FOCAD: variants seen among roughly 807,000 people sequenced by gnomAD.
FOCAD encodes focadhesin.
FOCAD carries 198 observed loss-of-function variants against 225.6 expected under a neutral mutation model. The observed-to-expected ratio is 0.88, with a 90% CI of 0.78 to 0.99. The LOEUF (loss-of-function observed/expected upper bound fraction) is 0.99, where lower values mean the gene tolerates loss of function less well. Among genes scored for constraint, FOCAD ranks in the 50% least tolerant of loss-of-function variants. The pLI is 0.00. For synonymous variants in FOCAD, 897 were observed against 755.0 expected, an observed-to-expected ratio of 1.19 and a Z score of -3.08; for missense variants, 2,713 against 2,123.6, an observed-to-expected ratio of 1.28 and a Z score of -5.46.
intron 31 of FOCAD, 51 bp from the exon 32 acceptor site, chr9:20,948,800 T>C (rs766953780): frequency 1.3e-6 from 2 of 1,593,218 alleles, no homozygotes; most frequent in Non-Finnish European, 1.7e-6. Flanking sequence ...TTATAGAATC[T>C]AAACCCAAGG....
At chr9:20,660,925 G>C (rs1821698373) in intron 2 of FOCAD, among the ~76,000 whole-genome samples, 1 of 152,098 alleles carries the variant, frequency 6.6e-6, no homozygotes, top group African/African-American at 2.4e-5. Flanking sequence ...AAAAATTATG[G>C]GGACATTCCA....
intron 6 of FOCAD, among the ~76,000 whole-genome samples, chr9:20,760,903 A>G (rs1353496717): frequency 6.6e-6 from 1 of 152,172 alleles, no homozygotes; most frequent in Non-Finnish European, 1.5e-5. Flanking sequence ...GTATATGAGT[A>G]GCGATTCACA....
chr9:20,761,971 G>A (rs903956447), intron 6 of FOCAD, among the ~76,000 whole-genome samples: 5 of 152,092 alleles, frequency 3.3e-5, no homozygotes, highest in African/African-American at 4.8e-5. Flanking sequence ...TCTAAAATCA[G>A]AACAGATTAA....
At chr9:20,859,891 G>T (rs1828602492) in intron 15 of FOCAD, among the ~76,000 whole-genome samples, 1 of 151,844 alleles carries the variant, frequency 6.6e-6, no homozygotes, top group Non-Finnish European at 1.5e-5. Context: ...ATTTGTGGTT[G>T]CCTAGATTTG....
At chr9:20,906,524 A>G (rs895680623) in intron 21 of FOCAD, among the ~76,000 whole-genome samples, 2 of 152,058 alleles carry the variant, frequency 1.3e-5, no homozygotes, top group African/African-American at 2.4e-5. Flanking sequence ...GACTATGAGA[A>G]CCAGATGTTT....
intron 7 of FOCAD, among the ~76,000 whole-genome samples, chr9:20,767,161 T>G (rs1224310128): frequency 6.6e-6 from 1 of 150,378 alleles, no homozygotes; most frequent in African/African-American, 2.4e-5. Context: ...AACTCATCAT[T>G]TTTTATGGCT....
intron 43 of FOCAD, 28 bp downstream of exon 43, chr9:20,993,356 A>G: frequency 1.3e-6 from 2 of 1,566,902 alleles, no homozygotes; most frequent in Non-Finnish European, 1.8e-6. Context: ...TATGCTCAAC[A>G]TAGGGGAAAA....
intron 7 of FOCAD, among the ~76,000 whole-genome samples, 200 bp from the exon 8 acceptor site, chr9:20,769,832 A>ATT (rs1818008221): frequency 2.0e-5 from 3 of 152,332 alleles, no homozygotes; most frequent in African/African-American, 7.2e-5. Context: ...ACAGTAGCAA[A>ATT]TTGGATTTTG....
In FOCAD at chr9:20,963,293, C is replaced by T. The variant is rs78306012; in HGVS notation, c.4132+10228C>T. Among the ~76,000 whole-genome samples, 739 of 152,190 alleles carry T rather than the reference C, an allele frequency of 4.9e-3. 5 individuals carry two copies. The highest frequency in any genetic ancestry group is 7.1e-3 in the Non-Finnish European group (481 of 68,004). ...TGCATGTATATTAGGTCAATTCTAG[C>T]GAATATAGAAGCAACATGTAAAGTG... is the stretch of plus-strand genomic sequence containing the variant. On this transcript the variant is annotated intron_variant, in intron 35 of 43. Transcript: ENST00000338382.
chr9:20,935,336 A>G (rs1835848792), intron 28 of FOCAD, among the ~76,000 whole-genome samples: 6 of 152,212 alleles, frequency 3.9e-5, no homozygotes. Flanking sequence ...ACTTACGTTT[A>G]TCATACAAGG....
chr9:20,977,615 A>G (rs1020791694), intron 36 of FOCAD, among the ~76,000 whole-genome samples: 3 of 152,206 alleles, frequency 2.0e-5, no homozygotes, highest in Non-Finnish European at 4.4e-5. Flanking sequence ...GTGCTCTATC[A>G]TTTATAGTAG....
chr9:20,857,730 T>C (rs1478132733), intron 15 of FOCAD, among the ~76,000 whole-genome samples: 4 of 151,106 alleles, frequency 2.6e-5, no homozygotes. Context: ...CTGTCTTATA[T>C]GGCTTTTATT....
chr9:20,890,982 T>C (rs930174767), intron 21 of FOCAD, among the ~76,000 whole-genome samples: 1 of 152,174 alleles, frequency 6.6e-6, no homozygotes, highest in Admixed American at 6.5e-5. Context: ...TGAGCAATTA[T>C]CTAGGCACCA....
chr9:20,900,934 G>T (rs532735313), intron 21 of FOCAD, among the ~76,000 whole-genome samples: 1 of 151,852 alleles, frequency 6.6e-6, no homozygotes, highest in Non-Finnish European at 1.5e-5. Context: ...AAAAGGTTGG[G>T]GAGAGAATGT....
At chr9:20,839,262 T>TC (rs201065715) in intron 15 of FOCAD, among the ~76,000 whole-genome samples, 30 of 145,878 alleles carry the variant, frequency 2.1e-4, no homozygotes, top group Admixed American at 8.2e-4. Context: ...TTTCTTTCTT[T>TC]TTTTTTTTTT....
chr9:20,873,676 CATT>C (rs74963389), intron 18 of FOCAD, among the ~76,000 whole-genome samples: 27,418 of 151,922 alleles, frequency 0.18, 2,700 homozygotes, highest in Non-Finnish European at 0.23. Context: ...TTGGAGTTGA[CATT>C]ATTATTCTTA....
At chr9:20,807,325 C>CTG (rs139751846) in intron 11 of FOCAD, among the ~76,000 whole-genome samples, 3 of 152,104 alleles carry the variant, frequency 2.0e-5, no homozygotes, top group East Asian at 3.9e-4. Flanking sequence ...TAATTATTAT[C>CTG]TGTGTGTGTG....
chr9:20,880,049 A>G (rs1211692429), intron 19 of FOCAD, among the ~76,000 whole-genome samples: 1 of 152,212 alleles, frequency 6.6e-6, no homozygotes, highest in African/African-American at 2.4e-5. Flanking sequence ...ACTTTGAAGC[A>G]GTCCCTGTGT....
At chr9:20,846,015 A>G (rs1398200462) in intron 15 of FOCAD, among the ~76,000 whole-genome samples, 2 of 152,164 alleles carry the variant, frequency 1.3e-5, no homozygotes, top group African/African-American at 4.8e-5. Flanking sequence ...TTTACTTTCT[A>G]TTAGTATGGA....
Sources: allele counts gnomAD v4.1 joint callset (sites outside exome capture counted in the v4.1 genomes callset), GRCh38; gene constraint gnomAD v4.1.1; transcripts MANE v1.5; gene names NCBI Gene and HGNC (gene_info 2026-07-23, HGNC 2026-07-21).